The following PHF14 variants were observed in gnomAD, a reference collection of about 807,000 sequenced individuals.
The protein encoded by PHF14 is PHD finger protein 14.
PHF14 carries 55 observed loss-of-function variants against 117.9 expected under a neutral mutation model. The ratio of observed to expected loss-of-function variants is 0.47; its 90% CI spans 0.38 to 0.58. The LOEUF is 0.58. PHF14 is among the 20% of genes least tolerant of loss of function. The pLI is 0.00. For synonymous variants in PHF14, 409 were observed against 368.6 expected (o/e 1.11, Z -1.26); for missense variants, 978 against 1,122.2 (o/e 0.87, Z 1.84).
At chr7:11,151,080 CCT>C (rs1788689599) in intron 17 of PHF14, among the ~76,000 whole-genome samples, 2 of 151,978 alleles carry the variant, frequency 1.3e-5, no homozygotes, top group Non-Finnish European at 2.9e-5. Flanking sequence ...GACAAAAAAA[CCT>C]GTCATAATGC....
intron 13 of PHF14, among the ~76,000 whole-genome samples, chr7:11,045,643 A>T (rs1285636422): frequency 6.6e-6 from 1 of 152,192 alleles, no homozygotes; most frequent in African/African-American, 2.4e-5. Context: ...TCTTCAGTCC[A>T]TCCCAGAGTT....
At chr7:11,104,717 C>G (rs1787201483) in intron 16 of PHF14, 1 of 735,612 alleles carries the variant, frequency 1.4e-6, no homozygotes, top group African/African-American at 1.9e-5. Flanking sequence ...GGTGACTACC[C>G]TATTCCTCTC....
At chr7:11,073,959 G>T (rs991845208) in intron 16 of PHF14, among the ~76,000 whole-genome samples, 1 of 152,164 alleles carries the variant, frequency 6.6e-6, no homozygotes, top group African/African-American at 2.4e-5. Flanking sequence ...GATTCTGGGA[G>T]CAGTGTCCTG....
chr7:11,167,505 T>C (rs1789234895), intron 17 of PHF14, among the ~76,000 whole-genome samples: 1 of 152,184 alleles, frequency 6.6e-6, no homozygotes, highest in Admixed American at 6.5e-5. Flanking sequence ...TCAGAAAATA[T>C]TGATTGGACT....
intron 17 of PHF14, among the ~76,000 whole-genome samples, chr7:11,125,663 G>A (rs956895643): frequency 1.3e-5 from 2 of 151,938 alleles, no homozygotes; most frequent in Non-Finnish European, 2.9e-5. Flanking sequence ...CTGTGACCTA[G>A]CTCTGCCACC....
chr7:11,075,572 T>TG (rs1224718068), intron 16 of PHF14, among the ~76,000 whole-genome samples: 190 of 145,646 alleles, frequency 1.3e-3, no homozygotes, highest in African/African-American at 4.6e-3. Flanking sequence ...AGGTTTTTTT[T>TG]TTTTTTTTTT....
At chr7:11,153,958 T>C (rs941013864) in intron 17 of PHF14, among the ~76,000 whole-genome samples, 2 of 151,940 alleles carry the variant, frequency 1.3e-5, no homozygotes, top group African/African-American at 2.4e-5. Flanking sequence ...CGTGTGTGTG[T>C]GTGTGTGTGT....
At chr7:11,070,002 G>A (rs982152618) in intron 16 of PHF14, among the ~76,000 whole-genome samples, 2 of 151,918 alleles carry the variant, frequency 1.3e-5, no homozygotes, top group Admixed American at 6.6e-5. Context: ...AGAATTCTCC[G>A]GTGATACCAT....
intron 4 of PHF14, 120 bp from the exon 5 acceptor site, chr7:11,013,627 A>G (rs554886346): frequency 4.6e-5 from 25 of 540,750 alleles, no homozygotes; most frequent in African/African-American, 3.9e-4. Flanking sequence ...TACGTTTCTT[A>G]TAAACCATTG....
At chr7:10,986,969 T>C (rs1343268100) in intron 3 of PHF14, among the ~76,000 whole-genome samples, 1 of 152,222 alleles carries the variant, frequency 6.6e-6, no homozygotes, top group African/African-American at 2.4e-5. Flanking sequence ...TTTATGTTCT[T>C]TGCTGAGTAG....
At chr7:11,166,455 A>G (rs1364106400) in intron 17 of PHF14, among the ~76,000 whole-genome samples, 1 of 152,142 alleles carries the variant, frequency 6.6e-6, no homozygotes, top group Non-Finnish European at 1.5e-5. Context: ...TTTATCAATT[A>G]TATTTTATTT....
At chr7:11,028,987 G>C (rs1472613119) in intron 7 of PHF14, among the ~76,000 whole-genome samples, 169 bp downstream of exon 7, 2 of 152,140 alleles carry the variant, frequency 1.3e-5, no homozygotes, top group Non-Finnish European at 2.9e-5. Context: ...AGTTTTGTCA[G>C]TTTTAAAGCT....
intron 4 of PHF14, among the ~76,000 whole-genome samples, chr7:11,001,414 T>C (rs191880825): frequency 2.0e-5 from 3 of 152,332 alleles, no homozygotes; most frequent in Admixed American, 6.5e-5. Context: ...TAGAGTCAGT[T>C]TGCAGTATCT....
chr7:11,162,892 C>A (rs1425531160), intron 17 of PHF14, among the ~76,000 whole-genome samples: 2 of 152,056 alleles, frequency 1.3e-5, no homozygotes, highest in African/African-American at 4.8e-5. Flanking sequence ...TAAAAAGTTA[C>A]AGGAGGAGCT....
intron 13 of PHF14, among the ~76,000 whole-genome samples, chr7:11,049,940 C>CATAAAAA (rs1784798817): frequency 6.6e-6 from 1 of 152,116 alleles, no homozygotes; most frequent in South Asian, 2.1e-4. Flanking sequence ...CTGAGTAATA[C>CATAAAAA]ATGATTATGT....
chr7:11,110,655 TGAA>T (rs1436455025), intron 16 of PHF14: 1 of 247,350 alleles, frequency 4.0e-6, no homozygotes, highest in Non-Finnish European at 5.6e-6. Context: ...CCAAACGGTC[TGAA>T]GAAAGTGACA....
At chr7:11,081,927 A>G (rs1475510563) in intron 16 of PHF14, among the ~76,000 whole-genome samples, 1 of 152,010 alleles carries the variant, frequency 6.6e-6, no homozygotes, top group African/African-American at 2.4e-5. Context: ...GCTTTTCTCT[A>G]TCTTCATAGG....
intron 4 of PHF14, among the ~76,000 whole-genome samples, chr7:11,008,279 A>T (rs566476502): frequency 1.8e-4 from 28 of 152,176 alleles, no homozygotes; most frequent in Non-Finnish European, 3.7e-4. Context: ...AGGAGTGTTC[A>T]CTGGATAGTA....
chr7:11,080,142 G>A (rs1209423373), intron 16 of PHF14, among the ~76,000 whole-genome samples: 1 of 152,064 alleles, frequency 6.6e-6, no homozygotes, highest in Non-Finnish European at 1.5e-5. Flanking sequence ...AAGTGTAGTT[G>A]GATAGAGGAA....
Sources: allele counts gnomAD v4.1 joint callset (sites outside exome capture counted in the v4.1 genomes callset), GRCh38; gene constraint gnomAD v4.1.1; transcripts MANE v1.5; gene names NCBI Gene and HGNC (gene_info 2026-07-23, HGNC 2026-07-21).